Variants in HOMER2 observed in about 807,000 individuals in gnomAD.
The protein encoded by HOMER2 is homer scaffold protein 2.
In HOMER2, 27 loss-of-function variants were observed where a neutral mutation model predicts 47.0. That is an observed-to-expected ratio of 0.57 (90% CI 0.42 to 0.79). The LOEUF is 0.79. Among genes scored for constraint, HOMER2 ranks in the 30% least tolerant of loss-of-function variants. The probability of loss-of-function intolerance (pLI) is 0.00; values close to 1 mark genes in which losing one functional copy is unlikely to be tolerated. For synonymous variants in HOMER2, 161 were observed against 163.8 expected (o/e 0.98, Z 0.13); for missense variants, 443 against 435.0 (o/e 1.02, Z -0.16).
At chr15:82,929,706 CCT>C (rs2053956942) in intron 1 of HOMER2, among the ~76,000 whole-genome samples, 1 of 150,882 alleles carries the variant, frequency 6.6e-6, no homozygotes, top group African/African-American at 2.4e-5. Flanking sequence ...TAGCCTCCAC[CCT>C]GTTACAGGTA....
chr15:82,858,987 G>T, intron 5 of HOMER2, 42 bp downstream of exon 5: 1 of 1,594,852 alleles, frequency 6.3e-7, no homozygotes, highest in Non-Finnish European at 8.6e-7. Context: ...GGGAAGTGCT[G>T]AAGGTGGAGA....
At chr15:82,915,200 G>C (rs1040548092) in intron 1 of HOMER2, among the ~76,000 whole-genome samples, 6 of 151,446 alleles carry the variant, frequency 4.0e-5, no homozygotes, top group Admixed American at 6.6e-5. Flanking sequence ...GATGGTTGTA[G>C]AACAGTGTGA....
In HOMER2 at chr15:82,864,158, A is replaced by G; in HGVS notation, c.387+9T>C. On this transcript the variant is annotated intron_variant, in intron 4 of 8. Coordinates refer to ENST00000450735, the MANE Select transcript of HOMER2 (RefSeq NM_004839.4). The stretch of plus-strand genomic sequence containing the variant: ...CCACTGGGATTTACTTCATAGACTA[A>G]TGTCTTACTTGGGAATGATTACTTG... The G allele has an allele frequency of 6.3e-7, 1 of 1,582,638 alleles. No individual in the cohort carries two copies. Among genetic ancestry groups the G allele is most frequent in the South Asian group, 1.1e-5 (1 of 89,410 alleles).
chr15:82,858,982 G>A, intron 5 of HOMER2, 47 bp downstream of exon 5: 1 of 1,585,582 alleles, frequency 6.3e-7, no homozygotes, highest in Non-Finnish European at 8.6e-7. Context: ...TTCTAGGGAA[G>A]TGCTGAAGGT....
At chr15:82,868,541 A>ATATATATTTTT in intron 3 of HOMER2, among the ~76,000 whole-genome samples, 16 of 71,258 alleles carry the variant, frequency 2.2e-4, no homozygotes, top group Non-Finnish European at 3.1e-4. Flanking sequence ...ATATATATAT[A>ATATATATTTTT]TTTTTTTTTT....
chr15:82,952,757 G>GCCCGC, upstream of HOMER2: 5 of 935,672 alleles, frequency 5.3e-6, no homozygotes, highest in Non-Finnish European at 6.4e-6. Flanking sequence ...CTGGGGCGGT[G>GCCCGC]CCCGCCCCGC....
intron 3 of HOMER2, among the ~76,000 whole-genome samples, chr15:82,872,883 G>C (rs1049573551): frequency 6.6e-6 from 1 of 152,224 alleles, no homozygotes; most frequent in Non-Finnish European, 1.5e-5. Flanking sequence ...AGAGGTTTGA[G>C]CAACAGCAAC....
At chr15:82,839,155 C>CTAT (rs2151581444) in exon 2 of HOMER2, 1 of 152,264 alleles carries the variant, frequency 6.6e-6, no homozygotes, top group African/African-American at 2.4e-5. Flanking sequence ...GCTTTTACCC[C>CTAT]AATAGCCAGG....
At chr15:82,935,669 A>G (rs2054126391) in intron 1 of HOMER2, among the ~76,000 whole-genome samples, 2 of 152,112 alleles carry the variant, frequency 1.3e-5, no homozygotes, top group Admixed American at 6.6e-5. Flanking sequence ...CTAGTGGCAT[A>G]ACCTAAAACC....
chr15:82,878,043 T>C (rs561292341), intron 2 of HOMER2, among the ~76,000 whole-genome samples: 35 of 152,280 alleles, frequency 2.3e-4, no homozygotes, highest in African/African-American at 6.5e-4. Flanking sequence ...ACCCTGGTCA[T>C]CTCTCAATTA....
upstream of HOMER2, among the ~76,000 whole-genome samples, chr15:82,957,403 A>C (rs2054596080): frequency 6.6e-6 from 1 of 152,202 alleles, no homozygotes; most frequent in South Asian, 2.1e-4. Flanking sequence ...TAATGGTGGA[A>C]CTAGGGTGAA....
intron 4 of HOMER2, among the ~76,000 whole-genome samples, chr15:82,863,881 T>C (rs964993671): frequency 8.5e-5 from 13 of 152,232 alleles, no homozygotes; most frequent in African/African-American, 3.1e-4. Context: ...GGAGACATGC[T>C]GCCTCGCCTC....
At chr15:82,861,001 A>AG (rs1460150800) in intron 4 of HOMER2, among the ~76,000 whole-genome samples, 2 of 74,856 alleles carry the variant, frequency 2.7e-5, no homozygotes, top group East Asian at 3.0e-4. Flanking sequence ...GAGAAAGGAA[A>AG]GAAAGAAAAG....
intron 1 of HOMER2, among the ~76,000 whole-genome samples, chr15:82,901,752 T>C (rs952252149): frequency 6.6e-6 from 1 of 152,240 alleles, no homozygotes. Context: ...ATGTGCTCTG[T>C]GGAGCTATTT....
intron 1 of HOMER2, among the ~76,000 whole-genome samples, chr15:82,979,699 G>A (rs1207256734): frequency 6.6e-6 from 1 of 152,188 alleles, no homozygotes; most frequent in Non-Finnish European, 1.5e-5. Context: ...TCTGGAGTAA[G>A]AGAGATGGAA....
At chr15:82,858,487 G>T (rs891551322) in intron 5 of HOMER2, among the ~76,000 whole-genome samples, 1 of 152,024 alleles carries the variant, frequency 6.6e-6, no homozygotes, top group African/African-American at 2.4e-5. Context: ...CTAGAGACAG[G>T]ATTTCATCAT....
At chr15:82,882,883 T>TCCCC (rs1567033115) in intron 2 of HOMER2, among the ~76,000 whole-genome samples, 26 of 61,610 alleles carry the variant, frequency 4.2e-4, no homozygotes, top group East Asian at 2.2e-3. Context: ...AGCCACTGCT[T>TCCCC]TTTTTTTTTT....
At chr15:82,957,535 T>C (rs2054596917), upstream of HOMER2, among the ~76,000 whole-genome samples, 1 of 152,192 alleles carries the variant, frequency 6.6e-6, no homozygotes, top group African/African-American at 2.4e-5. Context: ...GCTTGTGTAC[T>C]TCCTGCCAGA....
At chr15:82,906,592 C>T (rs1425328504) in intron 1 of HOMER2, among the ~76,000 whole-genome samples, 1 of 152,060 alleles carries the variant, frequency 6.6e-6, no homozygotes, top group South Asian at 2.1e-4. Flanking sequence ...GCCACCATGC[C>T]CAGCTAATTT....
Sources: allele counts gnomAD v4.1 joint callset (sites outside exome capture counted in the v4.1 genomes callset), GRCh38; gene constraint gnomAD v4.1.1; transcripts MANE v1.5; gene names NCBI Gene and HGNC (gene_info 2026-07-23, HGNC 2026-07-21).